B3GALT1: variants seen among roughly 807,000 people sequenced by gnomAD.
B3GALT1 encodes beta-1,3-galactosyltransferase 1, also known as UDP-Gal:betaGlcNAc beta 1,3-galactosyltransferase, polypeptide 1.
A neutral mutation model predicts 23.2 loss-of-function variants in B3GALT1; 10 were observed. The ratio of observed to expected loss-of-function variants is 0.43; its 90% CI spans 0.27 to 0.73. The LOEUF (loss-of-function observed/expected upper bound fraction) is 0.73, where lower values mean the gene tolerates loss of function less well. B3GALT1 is among the 30% of genes least tolerant of loss of function. The pLI, the probability that B3GALT1 is intolerant of heterozygous loss-of-function variation, is 0.21. For synonymous variants in B3GALT1, 156 were observed against 141.5 expected (o/e 1.10, Z -0.73); for missense variants, 299 against 405.4 (o/e 0.74, Z 2.25).
intron 2 of B3GALT1, among the ~76,000 whole-genome samples, chr2:167,546,702 G>A (rs980038891): frequency 6.6e-6 from 1 of 152,134 alleles, no homozygotes; most frequent in African/African-American, 2.4e-5. Flanking sequence ...CATAGTATAA[G>A]GTTTCTGCTT....
At chr2:167,704,675 C>T (rs1344320874) in intron 3 of B3GALT1, among the ~76,000 whole-genome samples, 2 of 152,144 alleles carry the variant, frequency 1.3e-5, no homozygotes, top group South Asian at 2.1e-4. Context: ...ATCAGTGGTA[C>T]ATTAGTTAGT....
intron 1 of B3GALT1, among the ~76,000 whole-genome samples, chr2:167,359,158 A>C (rs764229794): frequency 6.6e-6 from 1 of 152,190 alleles, no homozygotes; most frequent in African/African-American, 2.4e-5. Context: ...CATATTTTAC[A>C]TGAAAATACC....
chr2:167,845,900 C>CA (rs1349898574), intron 4 of B3GALT1, among the ~76,000 whole-genome samples: 1 of 151,382 alleles, frequency 6.6e-6, no homozygotes, highest in African/African-American at 2.4e-5. Context: ...ATAGCTTAAA[C>CA]AAAAAAACAA....
At chr2:167,593,398 G>A (rs570611889) in intron 2 of B3GALT1, among the ~76,000 whole-genome samples, 84 of 152,114 alleles carry the variant, frequency 5.5e-4, no homozygotes, top group Admixed American at 1.6e-3. Flanking sequence ...TTTCCTAACC[G>A]CACACAATAA....
At chr2:167,505,476 G>A (rs183643681) in intron 2 of B3GALT1, among the ~76,000 whole-genome samples, 27 of 152,100 alleles carry the variant, frequency 1.8e-4, no homozygotes, top group African/African-American at 6.5e-4. Context: ...TTTATCAATG[G>A]CCAAGTTACA....
rs376205315 is a variant in B3GALT1, at chr2:167,531,863, A to T, written c.-410+41586A>T. Among the ~76,000 whole-genome samples, 6 of 152,142 alleles carry T rather than the reference A, an allele frequency of 3.9e-5. No individual in the cohort carries two copies. In the South Asian group the frequency reaches 8.3e-4, roughly 21 times the overall value. ...TTTTAATTTACTTAGCCATTTGCTT[A>T]TTGTGAATATTTTGGCTCAATGGGT... On this transcript the variant is annotated intron_variant, in intron 2 of 4. Transcript: ENST00000392690.
At chr2:167,346,937 C>T (rs1697231183) in intron 1 of B3GALT1, among the ~76,000 whole-genome samples, 1 of 152,036 alleles carries the variant, frequency 6.6e-6, no homozygotes, top group Non-Finnish European at 1.5e-5. Context: ...CTCTGATCCA[C>T]CTTTCATTAT....
intron 1 of B3GALT1, among the ~76,000 whole-genome samples, chr2:167,326,419 A>G (rs891503179): frequency 2.0e-5 from 3 of 152,018 alleles, no homozygotes; most frequent in Middle Eastern, 3.4e-3. Context: ...TTGGCTGTAC[A>G]GCAGCTTTTT....
At chr2:167,629,479 T>C (rs1685403405) in intron 2 of B3GALT1, among the ~76,000 whole-genome samples, 1 of 151,694 alleles carries the variant, frequency 6.6e-6, no homozygotes, top group Non-Finnish European at 1.5e-5. Flanking sequence ...CACTCCATTC[T>C]CATACATGAA....
chr2:167,293,681 A>C (rs1430271534), intron 1 of B3GALT1, among the ~76,000 whole-genome samples: 1 of 152,048 alleles, frequency 6.6e-6, no homozygotes, highest in Non-Finnish European at 1.5e-5. Flanking sequence ...AGTGAGTAGG[A>C]TGCTGTTGGC....
At chr2:167,491,495 T>TTC (rs1221819668) in intron 2 of B3GALT1, among the ~76,000 whole-genome samples, 61 of 151,394 alleles carry the variant, frequency 4.0e-4, no homozygotes, top group Middle Eastern at 3.4e-3. Flanking sequence ...TTTTTTTTTT[T>TTC]TTTTTCATTA....
intron 4 of B3GALT1, among the ~76,000 whole-genome samples, chr2:167,845,991 T>C (rs953033717): frequency 2.2e-4 from 34 of 152,066 alleles, no homozygotes; most frequent in African/African-American, 7.7e-4. Context: ...ATTGAACAAG[T>C]AGAAGAAAAA....
chr2:167,685,153 A>G (rs1347184127), intron 3 of B3GALT1, among the ~76,000 whole-genome samples: 1 of 152,256 alleles, frequency 6.6e-6, no homozygotes, highest in East Asian at 1.9e-4. Context: ...TCAGACTGCC[A>G]TGGAGCCTCC....
At chr2:167,755,304 TTTTC>T (rs997509455) in intron 3 of B3GALT1, among the ~76,000 whole-genome samples, 9 of 151,758 alleles carry the variant, frequency 5.9e-5, no homozygotes, top group African/African-American at 2.2e-4. Context: ...AGAAAGAACT[TTTTC>T]TTTCCTGGAT....
intron 1 of B3GALT1, among the ~76,000 whole-genome samples, chr2:167,435,174 A>G (rs1040346106): frequency 2.6e-5 from 4 of 151,996 alleles, no homozygotes; most frequent in African/African-American, 7.2e-5. Flanking sequence ...AGAAAGATAC[A>G]TACATTTTTT....
intron 3 of B3GALT1, among the ~76,000 whole-genome samples, chr2:167,807,821 T>C (rs148177092): frequency 0.024 from 3,716 of 152,326 alleles, 71 homozygotes; most frequent in South Asian, 0.069. Context: ...TCTGTAGATA[T>C]CTATTAGGTC....
intron 1 of B3GALT1, among the ~76,000 whole-genome samples, chr2:167,441,065 A>G (rs1337987227): frequency 1.3e-5 from 2 of 152,176 alleles, no homozygotes; most frequent in Non-Finnish European, 2.9e-5. Context: ...AATGATCCTC[A>G]GGGACAGTGA....
intron 1 of B3GALT1, among the ~76,000 whole-genome samples, chr2:167,447,080 A>C (rs954352599): frequency 6.6e-6 from 1 of 152,202 alleles, no homozygotes; most frequent in Non-Finnish European, 1.5e-5. Context: ...TCCTTCTAAC[A>C]GTCAGGACCA....
chr2:167,293,725 A>G (rs1248042312), intron 1 of B3GALT1, among the ~76,000 whole-genome samples: 1 of 151,934 alleles, frequency 6.6e-6, no homozygotes. Context: ...AGCGCACGGG[A>G]AAGTCCACCG....
Sources: gnomAD v4.1 joint callset for allele counts (sites outside exome capture counted in the v4.1 genomes callset) on GRCh38, gnomAD v4.1.1 for gene constraint, MANE v1.5 for transcripts, NCBI Gene and HGNC (gene_info 2026-07-23, HGNC 2026-07-21) for gene names.